HLF: variants seen among roughly 807,000 people sequenced by gnomAD.
The protein encoded by HLF is hepatic leukemia factor.
A neutral mutation model predicts 22.6 loss-of-function variants in HLF; 3 were observed. The ratio of observed to expected loss-of-function variants is 0.13; its 90% confidence interval spans 0.06 to 0.34. The LOEUF (loss-of-function observed/expected upper bound fraction) is 0.34. Among genes scored for constraint, HLF ranks in the 10% least tolerant of loss-of-function variants. The pLI is 1.00. For missense variants in HLF, 299 were observed against 389.2 expected (o/e 0.77, Z 1.95); for synonymous variants, 151 against 151.8 (o/e 0.99, Z 0.04).
In HLF at chr17:55,323,695, T is replaced by C. The variant is rs991679795; in HGVS notation, c.*2816T>C. On this transcript the variant is annotated 3_prime_UTR_variant, in exon 4 of 4. Transcript: ENST00000226067. ...TGCCTCTCCATCCAGGGCAGTTAACTAGCAAACAAGGCAGATCTGCTTCAT... is the reference window on the plus strand; with the variant it reads ...TGCCTCTCCATCCAGGGCAGTTAACCAGCAAACAAGGCAGATCTGCTTCAT... 7 of 229,520 alleles carry C rather than the reference T, an allele frequency of 3.0e-5. No homozygotes were observed. The highest frequency in any genetic ancestry group is 6.1e-5 in the Non-Finnish European group (7 of 115,510). 14.2% of individuals were successfully genotyped at this position (229,520 alleles called of 1,614,324 possible). A position where few individuals can be genotyped will look rare whatever the true frequency, so the allele number is the denominator to read the frequency against.
chr17:55,298,714 C>T (rs1246573360), intron 2 of HLF, among the ~76,000 whole-genome samples: 1 of 152,166 alleles, frequency 6.6e-6, no homozygotes, highest in African/African-American at 2.4e-5. Context: ...TCCCTACCAA[C>T]ATGGAGGTGG....
At chr17:55,298,964 G>A (rs980966936) in intron 2 of HLF, among the ~76,000 whole-genome samples, 1 of 152,184 alleles carries the variant, frequency 6.6e-6, no homozygotes, top group Non-Finnish European at 1.5e-5. Context: ...CCCTCTGCCT[G>A]CATGACTGAA....
In HLF at chr17:55,322,288, CGTTTAAT is replaced by C. The variant is rs1318167116; in HGVS notation, c.*1415_*1421del. 1 of 194,158 alleles carries C rather than the reference CGTTTAAT, an allele frequency of 5.2e-6. No homozygotes were observed. Among genetic ancestry groups the C allele is most frequent in the Non-Finnish European group, 1.1e-5 (1 of 92,992 alleles). The allele number at this position is 194,158 out of a possible 1,614,324, so 12.0% of individuals were successfully genotyped here. On this transcript the variant is annotated 3_prime_UTR_variant, in exon 4 of 4. Transcript: ENST00000226067. Reference sequence around the variant, plus strand: ...AGACCAAAAGGAGAGATTATTAAATCGTTTAATGTTTATACAGAGTAATTATAGGAAG... The same window carrying C: ...AGACCAAAAGGAGAGATTATTAAATCGTTTATACAGAGTAATTATAGGAAG...
chr17:55,270,932 G>A (rs570853251), intron 2 of HLF, among the ~76,000 whole-genome samples: 236 of 152,186 alleles, frequency 1.6e-3, no homozygotes, highest in African/African-American at 4.4e-3. Context: ...GTGAGCCACC[G>A]CGCCCGGCCT....
chr17:55,301,423 T>A (rs754187515), intron 2 of HLF, among the ~76,000 whole-genome samples: 24 of 152,260 alleles, frequency 1.6e-4, no homozygotes, highest in Non-Finnish European at 2.5e-4. Context: ...CTGGAAAGAT[T>A]TGCAATCTCG....
intron 2 of HLF, among the ~76,000 whole-genome samples, chr17:55,283,306 A>G (rs187621529): frequency 6.2e-4 from 95 of 152,080 alleles, no homozygotes; most frequent in African/African-American, 2.0e-3. Flanking sequence ...ACTGGCTCTG[A>G]TGGATTAGTA....
intron 2 of HLF, among the ~76,000 whole-genome samples, chr17:55,271,090 G>A (rs2080852499): frequency 6.6e-6 from 1 of 152,186 alleles, no homozygotes; most frequent in South Asian, 2.1e-4. Flanking sequence ...GCATAATACA[G>A]TCACTCCCGG....
At chr17:55,302,272 G>A (rs1023901038) in intron 2 of HLF, among the ~76,000 whole-genome samples, 3 of 152,226 alleles carry the variant, frequency 2.0e-5, no homozygotes, top group Non-Finnish European at 4.4e-5. Context: ...CTCTGTGAAC[G>A]TTAGTGGAAG....
At position 55,323,106 on chromosome 17, in the gene HLF, G is replaced by A. The variant is rs551028863; in HGVS notation, c.*2227G>A. On this transcript the variant is annotated 3_prime_UTR_variant, in exon 4 of 4. Coordinates refer to ENST00000226067, the MANE Select transcript of HLF (RefSeq NM_002126.5). ...ATAGACTTGGGAAACCCAACCAGTAGGATATTTCTACAAGGTGTTCATTTT... is the reference window on the plus strand; with the variant it reads ...ATAGACTTGGGAAACCCAACCAGTAAGATATTTCTACAAGGTGTTCATTTT... 5.0e-5 allele frequency: 11 copies of A among 219,130 alleles called. 1 individual carries two copies. In the South Asian group the frequency reaches 1.9e-3, roughly 37 times the overall value. The allele number at this position is 219,130 out of a possible 1,614,324, so 13.6% of individuals were successfully genotyped here.
At position 55,324,378 on chromosome 17, in the gene HLF, C is replaced by T; in HGVS notation, c.*3499C>T. On this transcript the variant is annotated 3_prime_UTR_variant, in exon 4 of 4. Coordinates refer to ENST00000226067, the MANE Select transcript of HLF (RefSeq NM_002126.5). The stretch of plus-strand genomic sequence containing the variant: ...AGAATTATCAGTGGCACCCTCCCCA[C>T]TGCCCCCAGTGTAAAACAATAGACA... The T allele has an allele frequency of 4.3e-6, 1 of 230,844 alleles. No individual in the cohort carries two copies. Among genetic ancestry groups the T allele is most frequent in the Non-Finnish European group, 8.6e-6 (1 of 116,550 alleles). 14.3% of individuals were successfully genotyped at this position (230,844 alleles called of 1,614,324 possible).
intron 2 of HLF, among the ~76,000 whole-genome samples, chr17:55,300,643 C>G (rs1249672639): frequency 6.6e-6 from 1 of 152,150 alleles, no homozygotes; most frequent in African/African-American, 2.4e-5. Context: ...GAATCTTGCT[C>G]TCTCCTCCTC....
At position 55,320,873 on chromosome 17, in the gene HLF, C is replaced by T. The variant is rs1030014686; in HGVS notation, c.882C>T (p.Pro294=). The T allele has an allele frequency of 3.1e-6, 5 of 1,609,970 alleles. No individual in the cohort carries two copies. The highest frequency in any genetic ancestry group is 2.5e-6 in the Non-Finnish European group (3 of 1,178,588). Residue 294 remains proline, a synonymous_variant, in exon 4 of 4, where the codon CCC becomes CCT. Transcript: ENST00000226067. The surrounding 1 kb of genome is among the most constrained non-coding windows in gnomAD (Gnocchi z 4.2). Reference sequence around the variant, plus strand: ...CCAAGTATGAGGCCAGGCACGGGCCCCTGTAGGATGGCATTTTTGCAGGCT... The same window carrying T: ...CCAAGTATGAGGCCAGGCACGGGCCTCTGTAGGATGGCATTTTTGCAGGCT... ...ILAKYEARHG[P]L
chr17:55,319,273 T>C (rs1252950023), intron 3 of HLF, among the ~76,000 whole-genome samples: 3 of 152,116 alleles, frequency 2.0e-5, no homozygotes, highest in African/African-American at 7.2e-5. Context: ...GACCTTAGAC[T>C]TTCCTTGCAG....
In HLF at chr17:55,320,973, C is replaced by G. The variant is rs919033042; in HGVS notation, c.*94C>G. On this transcript the variant is annotated 3_prime_UTR_variant, in exon 4 of 4. Coordinates refer to ENST00000226067, the MANE Select transcript of HLF (RefSeq NM_002126.5). This position sits in a 1 kb window ranked among gnomAD's most constrained non-coding sequence, Gnocchi z 4.2. Reference sequence around the variant, plus strand: ...CAAACCAACCTTTCTGACATCAGCACTTTACCAGAGGCATAAACACAACTG... The same window carrying G: ...CAAACCAACCTTTCTGACATCAGCAGTTTACCAGAGGCATAAACACAACTG... The G allele has an allele frequency of 3.0e-5, 29 of 959,286 alleles. No individual in the cohort carries two copies. Among genetic ancestry groups the G allele is most frequent in the Non-Finnish European group, 4.4e-5 (28 of 629,750 alleles). The allele number at this position is 959,286 out of a possible 1,614,324, so 59.4% of individuals were successfully genotyped here.
intron 2 of HLF, among the ~76,000 whole-genome samples, chr17:55,277,482 C>T (rs994773998): frequency 1.3e-5 from 2 of 151,626 alleles, no homozygotes; most frequent in African/African-American, 2.4e-5. Flanking sequence ...GTTTTGCATT[C>T]TTGAGTCCTG....
intron 2 of HLF, among the ~76,000 whole-genome samples, chr17:55,300,751 T>C (rs2081149532): frequency 6.6e-6 from 1 of 152,212 alleles, no homozygotes; most frequent in Non-Finnish European, 1.5e-5. Flanking sequence ...GGTGAGCTCT[T>C]ACCATTCCTG....
At chr17:55,285,466 G>A (rs946572876) in intron 2 of HLF, among the ~76,000 whole-genome samples, 1 of 152,182 alleles carries the variant, frequency 6.6e-6, no homozygotes, top group African/African-American at 2.4e-5. Context: ...GCATTTGCCA[G>A]GCCTGCAATG....
intron 2 of HLF, among the ~76,000 whole-genome samples, chr17:55,277,233 T>TTG (rs371138892): frequency 1.7e-4 from 24 of 139,036 alleles, no homozygotes; most frequent in Middle Eastern, 3.8e-3. Context: ...GAACCAGATG[T>TTG]TATGTGTATG....
chr17:55,273,755 C>CT (rs11319874), intron 2 of HLF: 107 of 140,474 alleles, frequency 7.6e-4, no homozygotes, highest in Admixed American at 1.3e-3. Flanking sequence ...TGCTGGCTTG[C>CT]TTTTTTTTTT....
Sources: allele counts gnomAD v4.1 joint callset (sites outside exome capture counted in the v4.1 genomes callset), GRCh38; gene constraint gnomAD v4.1.1; non-coding constraint Gnocchi (gnomAD v3.1); transcripts MANE v1.5; gene names NCBI Gene and HGNC (gene_info 2026-07-23, HGNC 2026-07-21).